RALYL: variants seen among roughly 807,000 people sequenced by gnomAD.
RALYL encodes the protein RNA-binding Raly-like protein.
A neutral mutation model predicts 35.1 loss-of-function variants in RALYL; 29 were observed. The ratio of observed to expected loss-of-function variants is 0.83; its 90% CI spans 0.61 to 1.13. The LOEUF (loss-of-function observed/expected upper bound fraction) is 1.13. Among genes scored for constraint, RALYL ranks in the 50% most tolerant of loss-of-function variants. The probability of loss-of-function intolerance (pLI) is 0.00; values close to 1 mark genes in which losing one functional copy is unlikely to be tolerated. For synonymous variants in RALYL, 120 were observed against 127.6 expected (o/e 0.94, Z 0.40); for missense variants, 359 against 360.4 (o/e 1.00, Z 0.03).
At chr8:84,427,058 C>T (rs117330230) in intron 1 of RALYL, among the ~76,000 whole-genome samples, 382 of 152,230 alleles carry the variant, frequency 2.5e-3, no homozygotes, top group Middle Eastern at 0.01. Context: ...CATGGATGAA[C>T]AGATAAATAA....
intron 4 of RALYL, among the ~76,000 whole-genome samples, chr8:84,813,412 A>G (rs1324936805): frequency 6.6e-6 from 1 of 152,126 alleles, no homozygotes; most frequent in Non-Finnish European, 1.5e-5. Context: ...CCAAGTGGGA[A>G]CTGCAGTCTA....
chr8:84,439,429 T>C (rs1288093402), intron 1 of RALYL, among the ~76,000 whole-genome samples: 3 of 152,124 alleles, frequency 2.0e-5, no homozygotes, highest in African/African-American at 7.2e-5. Context: ...CTTGATTAAA[T>C]ATATACTAGA....
chr8:84,898,896 C>T (rs1231806951), intron 8 of RALYL, among the ~76,000 whole-genome samples: 7 of 152,200 alleles, frequency 4.6e-5, no homozygotes, highest in Admixed American at 4.6e-4. Flanking sequence ...AGGACACTTC[C>T]TTCAGTGCTG....
intron 1 of RALYL, among the ~76,000 whole-genome samples, chr8:84,372,886 GTTTTTTTTTTTTTTTT>G (rs76885544): frequency 2.6e-5 from 1 of 39,064 alleles, no homozygotes; most frequent in Admixed American, 3.8e-4. Flanking sequence ...GCCAGCATCT[GTTTTTTTTTTTTTTTT>G]TTTTTTTTTT....
chr8:84,682,769 T>C (rs572958072), intron 2 of RALYL, among the ~76,000 whole-genome samples: 143 of 152,288 alleles, frequency 9.4e-4, no homozygotes, highest in African/African-American at 3.2e-3. Flanking sequence ...CTATCAATTT[T>C]GTTGATCTTT....
At chr8:84,274,357 T>G (rs1834928862) in intron 1 of RALYL, among the ~76,000 whole-genome samples, 1 of 152,162 alleles carries the variant, frequency 6.6e-6, no homozygotes, top group Non-Finnish European at 1.5e-5. Flanking sequence ...AATCAAGAGA[T>G]AAAATACACT....
chr8:84,633,687 G>A (rs1790022344), intron 2 of RALYL, among the ~76,000 whole-genome samples: 1 of 151,746 alleles, frequency 6.6e-6, no homozygotes, highest in Non-Finnish European at 1.5e-5. Flanking sequence ...TGGGAAATGA[G>A]GACCAAACAG....
At chr8:84,188,950 A>C (rs1489953785) in intron 1 of RALYL, among the ~76,000 whole-genome samples, 1 of 152,094 alleles carries the variant, frequency 6.6e-6, no homozygotes, top group Non-Finnish European at 1.5e-5. Context: ...TTATCCTGCT[A>C]TTTTTCTGGG....
intron 1 of RALYL, among the ~76,000 whole-genome samples, chr8:84,202,580 G>T (rs1817129645): frequency 6.6e-6 from 1 of 151,882 alleles, no homozygotes; most frequent in South Asian, 2.1e-4. Flanking sequence ...CACTATCTTG[G>T]CCAGGCTGGT....
At chr8:84,385,235 A>T (rs1025434889) in intron 1 of RALYL, among the ~76,000 whole-genome samples, 1 of 151,890 alleles carries the variant, frequency 6.6e-6, no homozygotes, top group African/African-American at 2.4e-5. Flanking sequence ...TTACATTCCA[A>T]ACTTGTTAAA....
chr8:84,653,151 C>A (rs1829202761), intron 2 of RALYL, among the ~76,000 whole-genome samples: 1 of 152,018 alleles, frequency 6.6e-6, no homozygotes, highest in African/African-American at 2.4e-5. Context: ...CACATGCTTT[C>A]TTTAGAAAGA....
At chr8:84,394,277 G>T (rs1217281864) in intron 1 of RALYL, among the ~76,000 whole-genome samples, 1 of 152,098 alleles carries the variant, frequency 6.6e-6, no homozygotes, top group African/African-American at 2.4e-5. Flanking sequence ...ATTATTACTA[G>T]TGATGTAAAT....
At chr8:84,620,763 T>A (rs1306275891) in intron 2 of RALYL, among the ~76,000 whole-genome samples, 1 of 151,824 alleles carries the variant, frequency 6.6e-6, no homozygotes, top group Non-Finnish European at 1.5e-5. Flanking sequence ...GATGTACAGA[T>A]GGGTTTTTGG....
intron 4 of RALYL, among the ~76,000 whole-genome samples, chr8:84,816,032 C>CAAAAAAAAAAAAAAAAAAAAGAAAA (rs1827206807): frequency 1.2e-5 from 1 of 84,196 alleles, no homozygotes; most frequent in Non-Finnish European, 2.3e-5. Flanking sequence ...GACTCTGTCT[C>CAAAAAAAAAAAAAAAAAAAAGAAAA]AAAAAAAAAA....
chr8:84,797,493 T>G (rs1822220884), intron 3 of RALYL, among the ~76,000 whole-genome samples: 1 of 152,228 alleles, frequency 6.6e-6, no homozygotes, highest in Admixed American at 6.5e-5. Flanking sequence ...TGATAATTGT[T>G]AGACTCCCTC....
chr8:84,488,929 ACTT>A (rs2054942589), intron 1 of RALYL, among the ~76,000 whole-genome samples: 1 of 152,090 alleles, frequency 6.6e-6, no homozygotes, highest in Non-Finnish European at 1.5e-5. Context: ...TAAAAGAACT[ACTT>A]CTTTAATTGA....
intron 2 of RALYL, among the ~76,000 whole-genome samples, chr8:84,734,297 T>C (rs1254006712): frequency 2.0e-5 from 3 of 152,198 alleles, no homozygotes; most frequent in African/African-American, 4.8e-5. Flanking sequence ...ATATCTTTAC[T>C]CATCTTTTTA....
chr8:84,880,860 C>G (rs1298192762), intron 7 of RALYL, among the ~76,000 whole-genome samples: 1 of 151,930 alleles, frequency 6.6e-6, no homozygotes, highest in Non-Finnish European at 1.5e-5. Context: ...TTTACATTAT[C>G]TAAGGTCCCA....
At chr8:84,274,210 A>G (rs1834901032) in intron 1 of RALYL, among the ~76,000 whole-genome samples, 1 of 152,192 alleles carries the variant, frequency 6.6e-6, no homozygotes, top group Non-Finnish European at 1.5e-5. Flanking sequence ...TGTGTGCCTC[A>G]GTTTAGGAAG....
Sources: allele counts gnomAD v4.1 joint callset (sites outside exome capture counted in the v4.1 genomes callset), GRCh38; gene constraint gnomAD v4.1.1; transcripts MANE v1.5; gene names NCBI Gene and HGNC (gene_info 2026-07-23, HGNC 2026-07-21).